The following SAMD9L variants were observed in gnomAD, a reference collection of about 807,000 sequenced individuals.
SAMD9L encodes the protein sterile alpha motif domain-containing protein 9-like.
Under a neutral mutation model 90.7 loss-of-function variants are expected in SAMD9L, and 68 were observed. The ratio of observed to expected loss-of-function variants is 0.75; its 90% confidence interval spans 0.62 to 0.92. The LOEUF (loss-of-function observed/expected upper bound fraction) is 0.92, where lower values mean the gene tolerates loss of function less well. Ranked by LOEUF, SAMD9L falls within the 40% of genes least tolerant of loss-of-function variation. The pLI, the probability that SAMD9L is intolerant of heterozygous loss-of-function variation, is 0.00. For missense variants in SAMD9L, 1,604 were observed against 1,824.3 expected (o/e 0.88, Z 2.20); for synonymous variants, 640 against 630.1 (o/e 1.02, Z -0.23).
In SAMD9L at chr7:93,134,050, G is replaced by C; in HGVS notation, c.1922C>G (p.Ser641Cys). ...TTTCTTTTTCTCTAGGATAACTGAA[G>C]AAGATCCACGGGCGGGCAAAAACCT... is the stretch of plus-strand genomic sequence containing the variant. ...SRRFLPARGSSSVILEKKKED... is the reference protein window; with the variant it reads ...SRRFLPARGSCSVILEKKKED... Residue 641 changes from serine (S) to cysteine (C), a missense_variant, in exon 5 of 5, where the codon TCT becomes TGT. Around this residue, in one of 7 missense-constraint regions of SAMD9L, gnomAD observed 606 missense variants for 717.6 expected, o/e 0.84. Transcript: ENST00000318238. 6.2e-7 allele frequency: 1 copy of C among 1,613,856 alleles called. No individual in the cohort carries two copies. Among genetic ancestry groups the C allele is most frequent in the Non-Finnish European group, 8.5e-7 (1 of 1,179,874 alleles).
intron 4 of SAMD9L, among the ~76,000 whole-genome samples, chr7:93,138,748 T>A (rs915863805): frequency 6.6e-6 from 1 of 152,110 alleles, no homozygotes; most frequent in Admixed American, 6.5e-5. Flanking sequence ...GCCAGGGCAC[T>A]GGGCCTGCCA....
rs1792059372 is a variant in SAMD9L, at chr7:93,130,903, T to C, written c.*314A>G. 1 of 198,106 alleles carries C rather than the reference T, an allele frequency of 5.0e-6. No homozygotes were observed. The highest frequency in any genetic ancestry group is 2.3e-5 in the African/African-American group (1 of 43,326). The allele number at this position is 198,106 out of a possible 1,614,324, so 12.3% of individuals were successfully genotyped here. On this transcript the variant is annotated 3_prime_UTR_variant, in exon 5 of 5. Transcript: ENST00000318238. ...TAATTTAGAAAACTTATAAAAGCAATTGAGTTTAACACAGATTTTATTGCC... is the reference window on the plus strand; with the variant it reads ...TAATTTAGAAAACTTATAAAAGCAACTGAGTTTAACACAGATTTTATTGCC...
intron 4 of SAMD9L, among the ~76,000 whole-genome samples, chr7:93,142,817 G>A (rs1179441626): frequency 6.6e-6 from 1 of 152,214 alleles, no homozygotes; most frequent in East Asian, 1.9e-4. Flanking sequence ...CTGTTTAGGT[G>A]TGAGGCAGTA....
intron 4 of SAMD9L, among the ~76,000 whole-genome samples, chr7:93,139,512 G>A (rs1167710527): frequency 2.0e-5 from 3 of 152,226 alleles, no homozygotes; most frequent in East Asian, 1.9e-4. Context: ...ATGTGAAGAC[G>A]AAGGCAGAGG....
At position 93,130,525 on chromosome 7, in the gene SAMD9L, A is replaced by C. The variant is rs958104296; in HGVS notation, c.*692T>G. 6.6e-6 allele frequency: 1 copy of C among 152,174 alleles called. No individual in the cohort carries two copies. The highest frequency in any genetic ancestry group is 6.6e-5 in the Admixed American group (1 of 15,262). 9.4% of individuals were successfully genotyped at this position (152,174 alleles called of 1,614,324 possible). On this transcript the variant is annotated 3_prime_UTR_variant, in exon 5 of 5. Coordinates refer to ENST00000318238, the MANE Select transcript of SAMD9L (RefSeq NM_152703.5). The stretch of plus-strand genomic sequence containing the variant: ...TAAGGCTGTATTCACAGGAGACAAA[A>C]ATGGCTTAAAGGAAGAGATTCACCT...
Position 93,133,433 on chromosome 7 carries a change from C to T in SAMD9L, c.2539G>A (p.Glu847Lys). Residue 847 changes from glutamate to lysine, a missense_variant, in exon 5 of 5, where the codon GAA (glutamate) becomes AAA (lysine). Around this residue, in one of 7 missense-constraint regions of SAMD9L, gnomAD observed 606 missense variants for 717.6 expected, o/e 0.84. Coordinates refer to ENST00000318238, the MANE Select transcript of SAMD9L (RefSeq NM_152703.5). ...LNCMRSRNPD[E>K]SAKLADSIAL... Reference sequence around the variant, plus strand: ...ATACTGTCTGCCAATTTTGCACTTTCATCTGGATTCCGGGATCTCATGCAG... The same window carrying T: ...ATACTGTCTGCCAATTTTGCACTTTTATCTGGATTCCGGGATCTCATGCAG... 1 of 1,613,260 alleles carries T rather than the reference C, an allele frequency of 6.2e-7. No individual in the cohort carries two copies. The highest frequency in any genetic ancestry group is 8.5e-7 in the Non-Finnish European group (1 of 1,179,294).
chr7:93,134,411 T>C lies in SAMD9L; in HGVS notation c.1561A>G (p.Arg521Gly), dbSNP rs1166459194. 6.2e-7 allele frequency: 1 copy of C among 1,613,564 alleles called. No individual in the cohort carries two copies. Among genetic ancestry groups the C allele is most frequent in the Non-Finnish European group, 8.5e-7 (1 of 1,179,812 alleles). Residue 521 changes from arginine to glycine, a missense_variant, in exon 5 of 5, where the codon AGA (arginine) becomes GGA (glycine). This residue lies in a region of SAMD9L where 606 missense variants were observed against 717.6 expected (regional missense o/e 0.84). Transcript: ENST00000318238. ...ATTAGTTTCCTGACTTCTGAAGCTC[T>C]TTCTCTCTGCCATAAATGTGGTTCT... is the stretch of plus-strand genomic sequence containing the variant. ...PLEPHLWQRE[R>G]ASEVRKLILF...
rs1344505157 is a variant in SAMD9L, at chr7:93,133,477, GT to G, written c.2494del (p.Thr832HisfsTer3). ...LAEKDLRYEK[T>X]LVIILNCMRS... ...CATGCAGTTTAAGATAATTACCAAT[GT>G]TTTTTCATATCGCAAATCCTTTTCT... On this transcript the variant is annotated frameshift_variant, in exon 5 of 5. Transcript: ENST00000318238. LOFTEE classifies it high-confidence loss of function. 4 of 1,612,206 alleles carry G rather than the reference GT, an allele frequency of 2.5e-6. 1 individual carries two copies. Among genetic ancestry groups the G allele is most frequent in the South Asian group, 2.2e-5 (2 of 90,694 alleles).
At chr7:93,144,048 T>G (rs182828583) in intron 4 of SAMD9L, among the ~76,000 whole-genome samples, 1 of 152,372 alleles carries the variant, frequency 6.6e-6, no homozygotes, top group Non-Finnish European at 1.5e-5. Context: ...TCAGTGAGCC[T>G]GTTTTCCCAC....
rs199711751 is a variant in SAMD9L at position 93,133,353 on chromosome 7, C to T, written c.2619G>A (p.Leu873=). Residue 873 remains leucine, a synonymous_variant, in exon 5 of 5, where the codon CTG becomes CTA. Transcript: ENST00000318238. ...TCTTGTGCTGCTTTTCAATTTCCTT[C>T]AGTTTGGCACCAAAAGCTCTTTGTT... The part of the protein sequence containing the change: ...SKEQRAFGAK[L]KEIEKQHKNC... The T allele has an allele frequency of 2.0e-5, 32 of 1,613,220 alleles. No homozygotes were observed. The East Asian group carries it at 6.9e-4, about 35-fold the overall frequency.
In SAMD9L at chr7:93,133,324, C is replaced by T; in HGVS notation, c.2648G>A (p.Cys883Tyr). 1.9e-6 allele frequency: 3 copies of T among 1,612,534 alleles called. No homozygotes were observed. Among genetic ancestry groups the T allele is most frequent in the Non-Finnish European group, 2.5e-6 (3 of 1,179,266 alleles). ...LKEIEKQHKN[C>Y]ENFYSFMIMK... is the part of the protein sequence containing the mutation. ...GATCATGAAGGAATAAAAGTTTTCA[C>T]AGTTCTTGTGCTGCTTTTCAATTTC... The change falls in exon 5 of 5, where the codon TGT becomes TAT. Residue 883 changes from cysteine to tyrosine, a missense_variant. By Grantham distance (194) the Cys-to-Tyr change is radical. Coordinates refer to ENST00000318238, the MANE Select transcript of SAMD9L (RefSeq NM_152703.5).
Position 93,131,680 on chromosome 7 carries a change from C to G in SAMD9L, c.4292G>C (p.Cys1431Ser). The G allele has an allele frequency of 6.2e-7, 1 of 1,613,804 alleles. No homozygotes were observed. Among genetic ancestry groups the G allele is most frequent in the African/African-American group, 1.3e-5 (1 of 74,990 alleles). ...HQYPGPYFLA[C>S]LLFWPENQEL... The stretch of plus-strand genomic sequence containing the variant: ...TTGATTTTCTGGCCAGAACAGGAGG[C>G]AGGCCAAGAAATAAGGACCTGGATA... The change falls in exon 5 of 5, where the codon TGC becomes TCC. Residue 1431 changes from cysteine to serine, a missense_variant. Coordinates refer to ENST00000318238, the MANE Select transcript of SAMD9L (RefSeq NM_152703.5).
Position 93,134,778 on chromosome 7 carries a change from CA to C in SAMD9L, c.1193del (p.Leu398ArgfsTer6), listed in dbSNP as rs748789201. On this transcript the variant is annotated frameshift_variant, in exon 5 of 5. Coordinates refer to ENST00000318238, the MANE Select transcript of SAMD9L (RefSeq NM_152703.5). LOFTEE classifies it low-confidence loss of function (END_TRUNC). ...AMKKESEGLK[L>X]VKLLIGNRDS... is the part of the protein sequence containing the mutation. ...CTCGGTTTCCTATGAGAAGTTTAAC[CA>C]GCTTTAGTCCTTCACTCTCCTTCTT... 2 of 1,613,244 alleles carry C rather than the reference CA, an allele frequency of 1.2e-6. No homozygotes were observed. Among genetic ancestry groups the C allele is most frequent in the Non-Finnish European group, 1.7e-6 (2 of 1,179,908 alleles).
In SAMD9L at chr7:93,134,713, A is replaced by G; in HGVS notation, c.1259T>C (p.Val420Ala). The G allele has an allele frequency of 6.2e-7, 1 of 1,613,566 alleles. No homozygotes were observed. Among genetic ancestry groups the G allele is most frequent in the Non-Finnish European group, 8.5e-7 (1 of 1,179,916 alleles). ...TTGGTTTGGATGGCATTTATTTGTT[A>G]CAAGAATGTACCAGTCATAGTATGA... The part of the protein sequence containing the change: ...DNSYYDWYIL[V>A]TNKCHPNQIK... Residue 420 changes from valine (V) to alanine (A), a missense_variant, in exon 5 of 5, where the codon GTA becomes GCA. Around this residue, in one of 7 missense-constraint regions of SAMD9L, gnomAD observed 606 missense variants for 717.6 expected, o/e 0.84. Transcript: ENST00000318238.
Position 93,133,344 on chromosome 7 carries a change from A to C in SAMD9L, c.2628T>G (p.Ile876Met). Residue 876 changes from isoleucine to methionine, a missense_variant, in exon 5 of 5, where the codon ATT becomes ATG. Ile to Met is a conservative substitution (Grantham distance 10). This residue lies in a region of SAMD9L where 606 missense variants were observed against 717.6 expected (regional missense o/e 0.84). Transcript: ENST00000318238. The part of the protein sequence containing the change: ...QRAFGAKLKE[I>M]EKQHKNCENF... Reference sequence around the variant, plus strand: ...TTTCACAGTTCTTGTGCTGCTTTTCAATTTCCTTCAGTTTGGCACCAAAAG... The same window carrying C: ...TTTCACAGTTCTTGTGCTGCTTTTCCATTTCCTTCAGTTTGGCACCAAAAG... 6.2e-7 allele frequency: 1 copy of C among 1,613,094 alleles called. No individual in the cohort carries two copies. Among genetic ancestry groups the C allele is most frequent in the Non-Finnish European group, 8.5e-7 (1 of 1,179,470 alleles).
At position 93,145,600 on chromosome 7, in the gene SAMD9L, A is replaced by T. The variant is rs1296969119; in HGVS notation, c.-338T>A. 6.6e-6 allele frequency: 1 copy of T among 152,250 alleles called. No homozygotes were observed. Among genetic ancestry groups the T allele is most frequent in the East Asian group, 1.9e-4 (1 of 5,198 alleles). 9.4% of individuals were successfully genotyped at this position (152,250 alleles called of 1,614,324 possible). A position where few individuals can be genotyped will look rare whatever the true frequency, so the allele number is the denominator to read the frequency against. ...GATATACTTGTTGAGAACGTATTGC[A>T]TAAAACAATGATATCACAACCAATT... On this transcript the variant is annotated 5_prime_UTR_variant, in exon 3 of 5. The change abolishes an upstream ATG in the 5' untranslated region. Transcript: ENST00000318238.
At chr7:93,139,833 C>T (rs1792611151) in intron 4 of SAMD9L, among the ~76,000 whole-genome samples, 1 of 152,208 alleles carries the variant, frequency 6.6e-6, no homozygotes. Flanking sequence ...GCCTTTAGTG[C>T]TCAAACACTA....
Position 93,132,624 on chromosome 7 carries a change from A to T in SAMD9L, c.3348T>A (p.Asn1116Lys). Residue 1116 changes from asparagine to lysine, a missense_variant, in exon 5 of 5, where the codon AAT becomes AAA. Transcript: ENST00000318238. ...ARQAKMKAPK[N>K]SYISDTLGQV... Reference sequence around the variant, plus strand: ...GACCTAGTGTATCTGAAATATAGGAATTTTTAGGTGCTTTCATTTTGGCCT... The same window carrying T: ...GACCTAGTGTATCTGAAATATAGGATTTTTTAGGTGCTTTCATTTTGGCCT... The T allele has an allele frequency of 6.2e-7, 1 of 1,613,606 alleles. No individual in the cohort carries two copies. The highest frequency in any genetic ancestry group is 8.5e-7 in the Non-Finnish European group (1 of 1,179,784).
chr7:93,144,175 A>G, intron 4 of SAMD9L, among the ~76,000 whole-genome samples: 1 of 152,200 alleles, frequency 6.6e-6, no homozygotes, highest in East Asian at 1.9e-4. Context: ...ATAAAGGTGT[A>G]GCTGCTCTGG....
Sources: allele counts gnomAD v4.1 joint callset (sites outside exome capture counted in the v4.1 genomes callset), GRCh38; gene constraint gnomAD v4.1.1; regional missense constraint gnomAD v4.1.1; transcripts MANE v1.5; gene names NCBI Gene and HGNC (gene_info 2026-07-23, HGNC 2026-07-21).